Variants in KCNN3 observed in about 807,000 individuals in gnomAD.
The protein encoded by KCNN3 is potassium calcium-activated channel subfamily N member 3.
KCNN3 carries 16 observed loss-of-function variants against 62.9 expected under a neutral mutation model. The observed-to-expected ratio is 0.25, with a 90% confidence interval of 0.17 to 0.39. The LOEUF (loss-of-function observed/expected upper bound fraction) is 0.39, where lower values mean the gene tolerates loss of function less well. Among genes scored for constraint, KCNN3 ranks in the 10% least tolerant of loss-of-function variants. KCNN3 has a pLI of 1.00. For missense variants in KCNN3, 599 were observed against 949.4 expected, an observed-to-expected ratio of 0.63 and a Z score of 4.85; for synonymous variants, 370 against 389.2, an observed-to-expected ratio of 0.95 and a Z score of 0.58.
At chr1:154,779,505 C>T (rs1648932743) in intron 2 of KCNN3, among the ~76,000 whole-genome samples, 1 of 152,194 alleles carries the variant, frequency 6.6e-6, no homozygotes, top group Admixed American at 6.5e-5. Flanking sequence ...CCCCACTCTC[C>T]CCATGGACAC....
rs34318428 is a variant in KCNN3, at chr1:154,791,286, CTT to C, written c.1030-18895_1030-18894del. 7.7e-4 allele frequency among the ~76,000 whole-genome samples: 106 copies of C among 137,374 alleles called. 1 individual carries two copies. The highest frequency in any genetic ancestry group is 2.2e-3 in the African/African-American group (82 of 37,094). 90.1% of individuals were successfully genotyped at this position (137,374 alleles called of 152,430 possible). A position where few individuals can be genotyped will look rare whatever the true frequency, so the allele number is the denominator to read the frequency against. ...ATTTTATATTACGTGTATCATACCACTTTTTTTTTTTTTTTCTCAAAAAGACT... is the reference window on the plus strand; with the variant it reads ...ATTTTATATTACGTGTATCATACCACTTTTTTTTTTTTTCTCAAAAAGACT... On this transcript the variant is annotated intron_variant, in intron 2 of 7. Transcript: ENST00000271915.
At chr1:154,848,248 G>A (rs768358669) in intron 1 of KCNN3, among the ~76,000 whole-genome samples, 2 of 152,104 alleles carry the variant, frequency 1.3e-5, no homozygotes, top group East Asian at 1.9e-4. Flanking sequence ...AGTGGGCCAC[G>A]ACAGTCACTT....
Position 154,869,890 on chromosome 1 carries a change from G to A in KCNN3, c.75C>T (p.Ser25=). 1 of 1,607,408 alleles carries A rather than the reference G, an allele frequency of 6.2e-7. No individual in the cohort carries two copies. The highest frequency in any genetic ancestry group is 1.1e-5 in the South Asian group (1 of 89,954). ...LDEDPKCPCP[S]SGDEQQQQQQ... Reference sequence around the variant, plus strand: ...GCTGCTGCTGCTGCTCATCCCCAGAGGATGGACAGGGGCACTTGGGGTCTT... The same window carrying A: ...GCTGCTGCTGCTGCTCATCCCCAGAAGATGGACAGGGGCACTTGGGGTCTT... The change falls in exon 1 of 8, where the codon TCC becomes TCT. Residue 25 remains serine (S), a synonymous_variant. Transcript: ENST00000271915. This position sits in a 1 kb window ranked among gnomAD's most constrained non-coding sequence, Gnocchi z 6.1.
chr1:154,820,830 C>T (rs1026531413), intron 2 of KCNN3, among the ~76,000 whole-genome samples: 53 of 152,248 alleles, frequency 3.5e-4, no homozygotes, highest in Non-Finnish European at 5.1e-4. Context: ...TGACAGAATG[C>T]AGCCCTGCCA....
intron 2 of KCNN3, among the ~76,000 whole-genome samples, chr1:154,778,104 C>CAGA (rs1648866388): frequency 6.6e-6 from 1 of 152,160 alleles, no homozygotes; most frequent in African/African-American, 2.4e-5. Flanking sequence ...TTGCTCTGTC[C>CAGA]AGAGGTGGCT....
At chr1:154,760,474 A>G (rs1433274383) in intron 3 of KCNN3, among the ~76,000 whole-genome samples, 1 of 151,846 alleles carries the variant, frequency 6.6e-6, no homozygotes, top group Admixed American at 6.6e-5. Context: ...GCAGCCCTGG[A>G]GCCGCCGGCC....
intron 3 of KCNN3, among the ~76,000 whole-genome samples, chr1:154,750,132 C>T (rs4845665): frequency 0.56 from 84,571 of 152,088 alleles, 23,963 homozygotes; most frequent in East Asian, 0.76. Context: ...AAGCTAATTC[C>T]GAAGGTCAAC....
At chr1:154,847,211 C>A (rs899871124) in intron 1 of KCNN3, among the ~76,000 whole-genome samples, 10 of 152,018 alleles carry the variant, frequency 6.6e-5, no homozygotes, top group East Asian at 3.9e-4. Flanking sequence ...ACTACCCCCC[C>A]CTGCCCTCGG....
rs1699834203 is a variant in KCNN3 at position 154,700,684 on chromosome 1, TC to T, written c.*7291del. On this transcript the variant is annotated 3_prime_UTR_variant, in exon 8 of 8. Transcript: ENST00000271915. ...TGGTCGTGGTGGCACGCACCTGTAA[TC>T]CCAGCTACTCGGGAGGCTGAGGCAG... 6.6e-6 allele frequency: 1 copy of T among 152,018 alleles called. No individual in the cohort carries two copies. 9.4% of individuals were successfully genotyped at this position (152,018 alleles called of 1,614,324 possible). A position where few individuals can be genotyped will look rare whatever the true frequency, so the allele number is the denominator to read the frequency against.
chr1:154,783,933 C>T (rs1308799709), intron 2 of KCNN3, among the ~76,000 whole-genome samples: 2 of 152,110 alleles, frequency 1.3e-5, no homozygotes, highest in African/African-American at 2.4e-5. Context: ...ATGGGTCCCT[C>T]GAGGAGCAAC....
At chr1:154,727,892 T>C (rs948512363) in intron 4 of KCNN3, among the ~76,000 whole-genome samples, 3 of 152,188 alleles carry the variant, frequency 2.0e-5, no homozygotes, top group African/African-American at 7.2e-5. Flanking sequence ...CAAAAGTACT[T>C]TGGGCTGAAA....
intron 1 of KCNN3, among the ~76,000 whole-genome samples, chr1:154,851,897 G>C (rs74116204): frequency 0.023 from 3,494 of 152,148 alleles, 138 homozygotes; most frequent in African/African-American, 0.081. Flanking sequence ...CTCACCCAGG[G>C]TAAAGGCCAC....
rs746739971 is a variant in KCNN3, at chr1:154,776,154, G to T, written c.1030-3761C>A. On this transcript the variant is annotated intron_variant, in intron 2 of 7. Transcript: ENST00000271915. ...GGTGGGGGCCACATGGGGTAGTGGAGCTGGAGGTGGGAGAGCTAGCCTGAA... is the reference window on the plus strand; with the variant it reads ...GGTGGGGGCCACATGGGGTAGTGGATCTGGAGGTGGGAGAGCTAGCCTGAA... Among the ~76,000 whole-genome samples, 47 of 152,202 alleles carry T rather than the reference G, an allele frequency of 3.1e-4. 1 individual carries two copies. The highest frequency in any genetic ancestry group is 6.2e-4 in the Non-Finnish European group (42 of 68,030).
At position 154,869,562 on chromosome 1, in the gene KCNN3, G is replaced by A; in HGVS notation, c.403C>T (p.His135Tyr). The change falls in exon 1 of 8, where the codon CAC becomes TAC. Residue 135 changes from histidine (H) to tyrosine (Y), a missense_variant. His to Tyr is a moderately conservative substitution (Grantham distance 83). Transcript: ENST00000271915. The surrounding 1 kb of genome is among the most constrained non-coding windows in gnomAD (Gnocchi z 6.1). ...GAACTTGGAGAGTGGCCAAGCAAGT[G>A]GTCATTGAGATTGAGCTGGCTGCCT... Reference protein sequence around the residue: ...RQGSQLNLNDHLLGHSPSSTA... With the variant: ...RQGSQLNLNDYLLGHSPSSTA... The A allele has an allele frequency of 6.2e-7, 1 of 1,614,118 alleles. No individual in the cohort carries two copies. Among genetic ancestry groups the A allele is most frequent in the Non-Finnish European group, 8.5e-7 (1 of 1,180,018 alleles).
At chr1:154,790,208 G>A (rs1424158540) in intron 2 of KCNN3, among the ~76,000 whole-genome samples, 1 of 152,214 alleles carries the variant, frequency 6.6e-6, no homozygotes, top group African/African-American at 2.4e-5. Flanking sequence ...TGGGATTACA[G>A]GCGTGAGCCA....
At chr1:154,797,881 T>C (rs1023453409) in intron 2 of KCNN3, among the ~76,000 whole-genome samples, 1 of 152,210 alleles carries the variant, frequency 6.6e-6, no homozygotes, top group Non-Finnish European at 1.5e-5. Flanking sequence ...GTCTTCTCTC[T>C]CTAGGCCTCA....
At chr1:154,763,826 A>C (rs1340724139) in intron 3 of KCNN3, among the ~76,000 whole-genome samples, 1 of 152,262 alleles carries the variant, frequency 6.6e-6, no homozygotes, top group African/African-American at 2.4e-5. Context: ...ATGCTTAAAA[A>C]GAAGATGTTT....
intron 2 of KCNN3, among the ~76,000 whole-genome samples, chr1:154,776,801 A>G (rs1648808758): frequency 6.6e-6 from 1 of 152,164 alleles, no homozygotes. Context: ...AATGACTTGG[A>G]GGGCTTGTTC....
chr1:154,775,264 G>A (rs1648740104), intron 2 of KCNN3, among the ~76,000 whole-genome samples: 1 of 152,186 alleles, frequency 6.6e-6, no homozygotes, highest in African/African-American at 2.4e-5. Context: ...CTGGTGTGGT[G>A]TGGGCGGGCG....
Sources: allele counts gnomAD v4.1 joint callset (sites outside exome capture counted in the v4.1 genomes callset), GRCh38; gene constraint gnomAD v4.1.1; non-coding constraint Gnocchi (gnomAD v3.1); transcripts MANE v1.5; gene names NCBI Gene and HGNC (gene_info 2026-07-23, HGNC 2026-07-21).